The following MGMT variants were observed in gnomAD, a reference collection of about 807,000 sequenced individuals.
MGMT encodes methylated-DNA--protein-cysteine methyltransferase.
Under a neutral mutation model 15.9 loss-of-function variants are expected in MGMT, and 14 were observed. The observed-to-expected ratio is 0.88, with a 90% CI of 0.58 to 1.37. The LOEUF (loss-of-function observed/expected upper bound fraction) is 1.37, where lower values mean the gene tolerates loss of function less well. Ranked by LOEUF, MGMT falls within the 40% of genes most tolerant of loss-of-function variation. MGMT has a pLI of 0.00. For missense variants in MGMT, 282 were observed against 268.1 expected, an observed-to-expected ratio of 1.05 and a Z score of -0.36; for synonymous variants, 130 against 118.2, an observed-to-expected ratio of 1.10 and a Z score of -0.65.
chr10:129,593,960 T>G (rs1223477883), intron 2 of MGMT, among the ~76,000 whole-genome samples: 3 of 152,220 alleles, frequency 2.0e-5, no homozygotes, highest in Non-Finnish European at 4.4e-5. Context: ...GACTTTGCTC[T>G]GCCCTGGGAA....
At chr10:129,487,196 G>A (rs1845417303) in intron 1 of MGMT, among the ~76,000 whole-genome samples, 1 of 152,050 alleles carries the variant, frequency 6.6e-6, no homozygotes, top group Non-Finnish European at 1.5e-5. Context: ...AGGTGGCTTG[G>A]ATGGTTTGCC....
chr10:129,569,281 G>A (rs748727306), intron 2 of MGMT, among the ~76,000 whole-genome samples: 1 of 152,178 alleles, frequency 6.6e-6, no homozygotes, highest in Non-Finnish European at 1.5e-5. Context: ...TGAGGTCGTG[G>A]TGGGGGCGGG....
At chr10:129,509,158 T>G (rs1589841278) in intron 1 of MGMT, among the ~76,000 whole-genome samples, 1 of 152,278 alleles carries the variant, frequency 6.6e-6, no homozygotes, top group Non-Finnish European at 1.5e-5. Context: ...GGGTTGAAAT[T>G]TTCCCTTTTA....
intron 2 of MGMT, among the ~76,000 whole-genome samples, chr10:129,690,279 A>G (rs1311106609): frequency 1.3e-5 from 2 of 152,218 alleles, no homozygotes; most frequent in African/African-American, 2.4e-5. Context: ...AGAATATAGC[A>G]AAGTAGTTAT....
At chr10:129,524,445 C>T (rs552349413) in intron 1 of MGMT, among the ~76,000 whole-genome samples, 32 of 152,198 alleles carry the variant, frequency 2.1e-4, no homozygotes, top group African/African-American at 7.0e-4. Context: ...TGCATACCCC[C>T]GACACTGGGA....
At chr10:129,702,900 C>G (rs1037858948) in intron 2 of MGMT, among the ~76,000 whole-genome samples, 1 of 152,168 alleles carries the variant, frequency 6.6e-6, no homozygotes, top group Middle Eastern at 3.2e-3. Context: ...GAGGAACTCC[C>G]CCGTGATAAG....
intron 2 of MGMT, among the ~76,000 whole-genome samples, chr10:129,683,358 T>C (rs942541859): frequency 1.3e-5 from 2 of 152,122 alleles, no homozygotes; most frequent in Non-Finnish European, 2.9e-5. Flanking sequence ...GCTGGAAAAA[T>C]GTGGCTGAAC....
intron 1 of MGMT, among the ~76,000 whole-genome samples, chr10:129,472,731 C>T (rs754039186): frequency 2.6e-5 from 4 of 152,156 alleles, no homozygotes; most frequent in Non-Finnish European, 4.4e-5. Flanking sequence ...TGAATGAAGG[C>T]GGTTGGTGTT....
At chr10:129,724,476 GTATC>G (rs1564774985) in intron 3 of MGMT, among the ~76,000 whole-genome samples, 1 of 152,134 alleles carries the variant, frequency 6.6e-6, no homozygotes, top group Non-Finnish European at 1.5e-5. Context: ...GGTCACATAG[GTATC>G]TATCTGTGTT....
At chr10:129,617,763 C>CT (rs200716835) in intron 2 of MGMT, among the ~76,000 whole-genome samples, 4,822 of 151,226 alleles carry the variant, frequency 0.032, 89 homozygotes, top group South Asian at 0.061. Context: ...CCTTTGCCCA[C>CT]TTTTTTTTTA....
At chr10:129,628,382 C>T (rs1298165744) in intron 2 of MGMT, among the ~76,000 whole-genome samples, 1 of 152,190 alleles carries the variant, frequency 6.6e-6, no homozygotes, top group South Asian at 2.1e-4. Context: ...ACGTTTTGCT[C>T]TGGTTTGAAG....
At chr10:129,470,939 A>G (rs1189705099) in intron 1 of MGMT, among the ~76,000 whole-genome samples, 6 of 152,192 alleles carry the variant, frequency 3.9e-5, no homozygotes. Flanking sequence ...TGAGAGTGCA[A>G]TAAATGCCTG....
At chr10:129,570,607 CTGTT>C (rs1318965220) in intron 2 of MGMT, among the ~76,000 whole-genome samples, 6 of 152,188 alleles carry the variant, frequency 3.9e-5, no homozygotes, top group African/African-American at 1.4e-4. Context: ...ATAATGAGTT[CTGTT>C]TTTCATATCT....
chr10:129,480,721 A>AT (rs980465560), intron 1 of MGMT, among the ~76,000 whole-genome samples: 5 of 152,174 alleles, frequency 3.3e-5, no homozygotes, highest in Non-Finnish European at 5.9e-5. Flanking sequence ...CTACAAAAAC[A>AT]TTTTTTAAAA....
At chr10:129,593,456 C>T (rs1846713259) in intron 2 of MGMT, among the ~76,000 whole-genome samples, 2 of 152,166 alleles carry the variant, frequency 1.3e-5, no homozygotes, top group South Asian at 4.1e-4. Flanking sequence ...TGGCCAGCCC[C>T]GTGTTGCCGA....
chr10:129,597,540 G>A (rs995523209), intron 2 of MGMT, among the ~76,000 whole-genome samples: 1 of 152,132 alleles, frequency 6.6e-6, no homozygotes, highest in Admixed American at 6.5e-5. Flanking sequence ...GAAGAAATAT[G>A]TATGAAATTT....
chr10:129,743,597 C>T (rs1848662597), intron 3 of MGMT, among the ~76,000 whole-genome samples: 2 of 152,224 alleles, frequency 1.3e-5, no homozygotes, highest in South Asian at 2.1e-4. Flanking sequence ...AGTGCAAGTG[C>T]GTGCATTTAA....
At chr10:129,607,531 C>T (rs1245110287) in intron 2 of MGMT, among the ~76,000 whole-genome samples, 2 of 152,188 alleles carry the variant, frequency 1.3e-5, no homozygotes, top group African/African-American at 4.8e-5. Context: ...TTCCACTGTG[C>T]CGCACAGCAT....
intron 2 of MGMT, among the ~76,000 whole-genome samples, chr10:129,645,409 A>G (rs1265530869): frequency 6.6e-6 from 1 of 152,066 alleles, no homozygotes; most frequent in African/African-American, 2.4e-5. Context: ...GGCATGAACC[A>G]CTGTACCTGG....
Sources: allele counts gnomAD v4.1 joint callset (sites outside exome capture counted in the v4.1 genomes callset), GRCh38; gene constraint gnomAD v4.1.1; transcripts MANE v1.5; gene names NCBI Gene and HGNC (gene_info 2026-07-23, HGNC 2026-07-21).